Variants in KHDRBS2 observed in about 807,000 individuals in gnomAD.
KHDRBS2 encodes the protein KH RNA binding domain containing, signal transduction associated 2.
Under a neutral mutation model 44.3 loss-of-function variants are expected in KHDRBS2, and 26 were observed. That is an observed-to-expected ratio of 0.59 (90% CI 0.43 to 0.81). The LOEUF (loss-of-function observed/expected upper bound fraction) is 0.81. Ranked by LOEUF, KHDRBS2 falls within the 40% of genes least tolerant of loss-of-function variation. KHDRBS2 has a pLI of 0.00. For synonymous variants in KHDRBS2, 194 were observed against 151.1 expected, an observed-to-expected ratio of 1.28 and a Z score of -2.08; for missense variants, 476 against 433.1, an observed-to-expected ratio of 1.10 and a Z score of -0.88.
At chr6:61,637,614 C>T in the KHDRBS2 span, among the ~76,000 whole-genome samples, 1 of 151,862 alleles carries the variant, frequency 6.6e-6, no homozygotes, top group Non-Finnish European at 1.5e-5. Flanking sequence ...GCCACACTGA[C>T]TTCCACAATG....
Position 62,090,480 on chromosome 6 carries a change from G to A in KHDRBS2, c.220-42486C>T, listed in dbSNP as rs566660919. Among the ~76,000 whole-genome samples, 9 of 151,954 alleles carry A rather than the reference G, an allele frequency of 5.9e-5. No homozygotes were observed. In the East Asian group the frequency reaches 1.2e-3, roughly 20 times the overall value. Reference sequence around the variant, plus strand: ...CAAATTCCCATTTGGTGCACAAATCGTATAAGAGCAGGGCTATATCTGTTA... The same window carrying A: ...CAAATTCCCATTTGGTGCACAAATCATATAAGAGCAGGGCTATATCTGTTA... On this transcript the variant is annotated intron_variant, in intron 2 of 8. Coordinates refer to ENST00000281156, the MANE Select transcript of KHDRBS2 (RefSeq NM_152688.4).
At chr6:62,000,745 T>C (rs1220099856) in intron 3 of KHDRBS2, among the ~76,000 whole-genome samples, 4 of 152,130 alleles carry the variant, frequency 2.6e-5, no homozygotes, top group Non-Finnish European at 4.4e-5. Context: ...AGAGAGGCGG[T>C]CTCATGAGGT....
chr6:61,843,741 T>C (rs1410326127), intron 6 of KHDRBS2, among the ~76,000 whole-genome samples: 1 of 152,182 alleles, frequency 6.6e-6, no homozygotes, highest in East Asian at 1.9e-4. Context: ...TTTTTTTCTT[T>C]TCACATGCAT....
At chr6:61,848,839 C>A (rs189840859) in intron 6 of KHDRBS2, among the ~76,000 whole-genome samples, 1 of 151,026 alleles carries the variant, frequency 6.6e-6, no homozygotes, top group African/African-American at 2.4e-5. Flanking sequence ...ATTTATATTT[C>A]GACCTATGAT....
intron 6 of KHDRBS2, among the ~76,000 whole-genome samples, chr6:61,839,855 A>C (rs1486590722): frequency 6.6e-6 from 1 of 152,086 alleles, no homozygotes; most frequent in East Asian, 1.9e-4. Flanking sequence ...AATATGAAGG[A>C]GAAAATAGCA....
intron 2 of KHDRBS2, among the ~76,000 whole-genome samples, chr6:62,120,241 T>C (rs1807288260): frequency 1.3e-5 from 2 of 152,124 alleles, no homozygotes; most frequent in African/African-American, 4.8e-5. Flanking sequence ...TGGTTTAATG[T>C]AGAGGAAGAG....
At chr6:62,201,474 T>C (rs1251956521) in intron 1 of KHDRBS2, among the ~76,000 whole-genome samples, 1 of 152,104 alleles carries the variant, frequency 6.6e-6, no homozygotes, top group African/African-American at 2.4e-5. Context: ...AAATGAAATT[T>C]ACCTAGCATA....
At chr6:61,618,535 G>A in the KHDRBS2 span, among the ~76,000 whole-genome samples, 1 of 152,022 alleles carries the variant, frequency 6.6e-6, no homozygotes, top group Admixed American at 6.6e-5. Flanking sequence ...TTGTGTCATG[G>A]GGGTTCGTTG....
the KHDRBS2 span, among the ~76,000 whole-genome samples, chr6:61,663,514 T>TATATATATATATATATATATATATATAC: frequency 2.0e-5 from 2 of 99,932 alleles, 1 homozygote; most frequent in Non-Finnish European, 4.1e-5. Context: ...TATATATATA[T>TATATATATATATATATATATATATATAC]ATATATATAT....
At chr6:61,963,525 A>C (rs1449598317) in intron 4 of KHDRBS2, among the ~76,000 whole-genome samples, 1 of 152,056 alleles carries the variant, frequency 6.6e-6, no homozygotes, top group Non-Finnish European at 1.5e-5. Context: ...TTAAATGGTA[A>C]TTAGGGATGT....
chr6:62,157,667 T>A (rs1427052467), intron 2 of KHDRBS2, among the ~76,000 whole-genome samples: 1 of 152,210 alleles, frequency 6.6e-6, no homozygotes, highest in Non-Finnish European at 1.5e-5. Context: ...ATAATTTTTA[T>A]CATTTCATTA....
intron 3 of KHDRBS2, among the ~76,000 whole-genome samples, chr6:61,983,248 T>TC (rs1416908763): frequency 1.5e-3 from 63 of 42,528 alleles, no homozygotes; most frequent in East Asian, 2.9e-3. Context: ...TTTTTTTTTT[T>TC]TTTTTTTTTA....
At chr6:61,851,908 G>A (rs1028089399) in intron 6 of KHDRBS2, among the ~76,000 whole-genome samples, 2 of 152,184 alleles carry the variant, frequency 1.3e-5, no homozygotes, top group African/African-American at 4.8e-5. Context: ...TTAAGAAAAT[G>A]TGCATATTCT....
chr6:61,546,722 C>T, the KHDRBS2 span, among the ~76,000 whole-genome samples: 17 of 152,002 alleles, frequency 1.1e-4, no homozygotes, highest in Non-Finnish European at 1.5e-4. Flanking sequence ...TAAATATTCT[C>T]AAAGCAAAAA....
chr6:61,705,849 C>G (rs572450323), intron 7 of KHDRBS2, among the ~76,000 whole-genome samples: 1 of 151,866 alleles, frequency 6.6e-6, no homozygotes, highest in East Asian at 1.9e-4. Context: ...ACCCAATAAC[C>G]CTACAATGCC....
At chr6:61,995,918 A>AT (rs754655199) in intron 3 of KHDRBS2, among the ~76,000 whole-genome samples, 2 of 152,194 alleles carry the variant, frequency 1.3e-5, no homozygotes, top group Non-Finnish European at 2.9e-5. Context: ...CAGTTACTTA[A>AT]TTTTAAATGA....
At chr6:61,691,601 T>C (rs766271446) in intron 8 of KHDRBS2, among the ~76,000 whole-genome samples, 2 of 152,110 alleles carry the variant, frequency 1.3e-5, no homozygotes, top group African/African-American at 2.4e-5. Context: ...AAATGACTGA[T>C]AAATTATTGC....
intron 6 of KHDRBS2, among the ~76,000 whole-genome samples, chr6:61,776,997 A>G (rs1025805333): frequency 6.6e-6 from 1 of 152,186 alleles, no homozygotes; most frequent in Non-Finnish European, 1.5e-5. Context: ...AGGGACATGG[A>G]CGAAACTGGA....
chr6:62,177,890 G>A (rs1279317734), intron 1 of KHDRBS2, among the ~76,000 whole-genome samples: 1 of 151,154 alleles, frequency 6.6e-6, no homozygotes. Context: ...ACATTATATA[G>A]GTGTTTAAGA....
Sources: allele counts gnomAD v4.1 joint callset (sites outside exome capture counted in the v4.1 genomes callset), GRCh38; gene constraint gnomAD v4.1.1; transcripts MANE v1.5; gene names NCBI Gene and HGNC (gene_info 2026-07-23, HGNC 2026-07-21).